The following RFX3 variants were observed in gnomAD, a reference collection of about 807,000 sequenced individuals.
RFX3 encodes transcription factor RFX3.
A neutral mutation model predicts 98.6 loss-of-function variants in RFX3; 14 were observed. The observed-to-expected ratio is 0.14, with a 90% CI of 0.09 to 0.22. RFX3 has a LOEUF of 0.22. Ranked by LOEUF, RFX3 falls within the 10% of genes least tolerant of loss-of-function variation. The pLI is 1.00. For missense variants in RFX3, 639 were observed against 926.9 expected, an observed-to-expected ratio of 0.69 and a Z score of 4.03; for synonymous variants, 383 against 328.4, an observed-to-expected ratio of 1.17 and a Z score of -1.80.
intron 1 of RFX3, among the ~76,000 whole-genome samples, chr9:3,523,505 T>C (rs543943295): frequency 1.2e-4 from 19 of 152,176 alleles, no homozygotes; most frequent in Non-Finnish European, 2.6e-4. Context: ...TCAAATCAAC[T>C]TGTGAATGAA....
intron 4 of RFX3, among the ~76,000 whole-genome samples, chr9:3,327,060 G>A (rs1002950866): frequency 1.3e-5 from 2 of 152,072 alleles, no homozygotes; most frequent in Non-Finnish European, 2.9e-5. Context: ...TAGGCTCAAT[G>A]TTTGGAAAGA....
intron 1 of RFX3, among the ~76,000 whole-genome samples, chr9:3,506,711 T>C (rs1025876807): frequency 1.3e-5 from 2 of 151,722 alleles, no homozygotes; most frequent in African/African-American, 4.8e-5. Context: ...GAGAAATGTA[T>C]ATATATAAAT....
chr9:3,268,070 T>C (rs1311415445), intron 11 of RFX3, among the ~76,000 whole-genome samples: 1 of 151,916 alleles, frequency 6.6e-6, no homozygotes, highest in East Asian at 1.9e-4. Context: ...TTCTACTAAA[T>C]GATATTCTGG....
At chr9:3,370,068 C>G (rs1837662993) in intron 2 of RFX3, among the ~76,000 whole-genome samples, 1 of 148,142 alleles carries the variant, frequency 6.8e-6, no homozygotes, top group Non-Finnish European at 1.5e-5. Context: ...GTCTCGATCT[C>G]CTGACCTCGT....
chr9:3,340,532 G>A (rs573042130), intron 3 of RFX3, among the ~76,000 whole-genome samples: 79 of 152,058 alleles, frequency 5.2e-4, no homozygotes, highest in Non-Finnish European at 9.4e-4. Flanking sequence ...TCCAGAATCC[G>A]CAATGAACTC....
chr9:3,524,261 TG>T (rs969155458), intron 1 of RFX3, among the ~76,000 whole-genome samples: 7 of 152,158 alleles, frequency 4.6e-5, no homozygotes, highest in Non-Finnish European at 1.0e-4. Context: ...TCTGTAAAAC[TG>T]GGTTAACGTT....
At chr9:3,460,656 G>C (rs555360856) in intron 1 of RFX3, among the ~76,000 whole-genome samples, 28 of 151,934 alleles carry the variant, frequency 1.8e-4, no homozygotes, top group African/African-American at 6.3e-4. Context: ...AATGAAGCAG[G>C]ATTTCATAGA....
intron 2 of RFX3, among the ~76,000 whole-genome samples, chr9:3,350,135 T>G (rs1834937090): frequency 6.6e-6 from 1 of 152,010 alleles, no homozygotes; most frequent in Non-Finnish European, 1.5e-5. Flanking sequence ...TTTCATTAAA[T>G]GGAAAATTTC....
chr9:3,311,996 T>C (rs1288610647), intron 4 of RFX3, among the ~76,000 whole-genome samples: 1 of 152,192 alleles, frequency 6.6e-6, no homozygotes, highest in African/African-American at 2.4e-5. Context: ...CCTGTTTCAT[T>C]TGCCCAAAGC....
intron 4 of RFX3, among the ~76,000 whole-genome samples, chr9:3,313,507 G>T (rs768182824): frequency 5.3e-5 from 8 of 152,352 alleles, no homozygotes; most frequent in Middle Eastern, 3.4e-3. Context: ...GAACAAAGCT[G>T]GATGGAGAAT....
intron 1 of RFX3, among the ~76,000 whole-genome samples, chr9:3,444,359 G>A (rs1329647234): frequency 6.6e-6 from 1 of 152,016 alleles, no homozygotes; most frequent in Non-Finnish European, 1.5e-5. Context: ...TCTGGAAAAT[G>A]TAAACTAATA....
intron 1 of RFX3, among the ~76,000 whole-genome samples, chr9:3,489,154 T>C (rs577066514): frequency 1.3e-5 from 2 of 152,330 alleles, no homozygotes; most frequent in African/African-American, 4.8e-5. Flanking sequence ...GCTTCATTTA[T>C]TAAAAATTAA....
Position 3,219,075 on chromosome 9 carries a change from A to G in RFX3, c.*5967T>C, listed in dbSNP as rs1225201930. 6.6e-6 allele frequency: 1 copy of G among 152,182 alleles called. No individual in the cohort carries two copies. Among genetic ancestry groups the G allele is most frequent in the South Asian group, 2.1e-4 (1 of 4,832 alleles). 9.4% of individuals were successfully genotyped at this position (152,182 alleles called of 1,614,324 possible). A position where few individuals can be genotyped will look rare whatever the true frequency, so the allele number is the denominator to read the frequency against. ...CCAAGTTTTCTCAAGGCACTCACTT[A>G]AAGTTTCTGTAACCAATGCATTGGT... On this transcript the variant is annotated 3_prime_UTR_variant, in exon 17 of 17. Transcript: ENST00000617270.
chr9:3,508,560 C>CA (rs1371900828), intron 1 of RFX3, among the ~76,000 whole-genome samples: 1 of 151,728 alleles, frequency 6.6e-6, no homozygotes, highest in African/African-American at 2.4e-5. Flanking sequence ...AACTTCTAGG[C>CA]AAAAAATGCA....
At chr9:3,296,667 T>C (rs1396236991) in intron 5 of RFX3, among the ~76,000 whole-genome samples, 1 of 152,080 alleles carries the variant, frequency 6.6e-6, no homozygotes, top group Non-Finnish European at 1.5e-5. Flanking sequence ...CCCTACCCGT[T>C]GTATGCAGAA....
intron 7 of RFX3, among the ~76,000 whole-genome samples, chr9:3,285,786 T>C (rs1033561978): frequency 1.3e-5 from 2 of 151,782 alleles, no homozygotes; most frequent in Non-Finnish European, 3.0e-5. Flanking sequence ...TTAATACTAC[T>C]GAGATTCTTA....
intron 1 of RFX3, among the ~76,000 whole-genome samples, chr9:3,411,603 G>C (rs1842472806): frequency 6.6e-6 from 1 of 151,502 alleles, no homozygotes; most frequent in Admixed American, 6.6e-5. Flanking sequence ...AGCCTCCCGA[G>C]TAGCTGGGAT....
At position 3,220,643 on chromosome 9, in the gene RFX3, C is replaced by CA. The variant is rs1222050113; in HGVS notation, c.*4398_*4399insT. 1 of 151,410 alleles carries CA rather than the reference C, an allele frequency of 6.6e-6. No homozygotes were observed. The highest frequency in any genetic ancestry group is 1.5e-5 in the Non-Finnish European group (1 of 67,824). 9.4% of individuals were successfully genotyped at this position (151,410 alleles called of 1,614,324 possible). The stretch of plus-strand genomic sequence containing the variant: ...GAAACACTTTCTCTTCCTACCCCCC[C>CA]CTTTAAAAAAACAGCATAATTAGAC... On this transcript the variant is annotated 3_prime_UTR_variant, in exon 17 of 17. Coordinates refer to ENST00000617270, the MANE Select transcript of RFX3 (RefSeq NM_001282116.2).
At chr9:3,368,975 C>T (rs905929659) in intron 2 of RFX3, among the ~76,000 whole-genome samples, 1 of 152,080 alleles carries the variant, frequency 6.6e-6, no homozygotes, top group African/African-American at 2.4e-5. Context: ...ATCACAATTG[C>T]TATTAATAGT....
Sources: allele counts gnomAD v4.1 joint callset (sites outside exome capture counted in the v4.1 genomes callset), GRCh38; gene constraint gnomAD v4.1.1; transcripts MANE v1.5; gene names NCBI Gene and HGNC (gene_info 2026-07-23, HGNC 2026-07-21).